SLC25A13: variants seen among roughly 807,000 people sequenced by gnomAD.
SLC25A13 encodes electrogenic aspartate/glutamate antiporter SLC25A13, mitochondrial.
Under a neutral mutation model 85.5 loss-of-function variants are expected in SLC25A13, and 70 were observed. That is an observed-to-expected ratio of 0.82 (90% CI 0.68 to 1.00). The LOEUF (loss-of-function observed/expected upper bound fraction) is 1.00, where lower values mean the gene tolerates loss of function less well. SLC25A13 is among the 50% of genes least tolerant of loss of function. SLC25A13 has a pLI of 0.00. For missense variants in SLC25A13, 765 were observed against 819.8 expected, an observed-to-expected ratio of 0.93 and a Z score of 0.82; for synonymous variants, 259 against 288.7, an observed-to-expected ratio of 0.90 and a Z score of 1.04.
chr7:96,162,055 T>A (rs910631380), intron 13 of SLC25A13, among the ~76,000 whole-genome samples: 1 of 152,244 alleles, frequency 6.6e-6, no homozygotes, highest in Admixed American at 6.5e-5. Context: ...CACATCATCT[T>A]ATATTTATAA....
At chr7:96,163,529 G>A (rs1793603994) in intron 13 of SLC25A13, among the ~76,000 whole-genome samples, 2 of 152,178 alleles carry the variant, frequency 1.3e-5, no homozygotes, top group Non-Finnish European at 2.9e-5. Context: ...TCTATTTGAA[G>A]CCACTAAATT....
At chr7:96,129,380 A>C (rs9656035) in intron 15 of SLC25A13, among the ~76,000 whole-genome samples, 70,138 of 151,964 alleles carry the variant, frequency 0.46, 16,913 homozygotes, top group African/African-American at 0.6. Flanking sequence ...CCAACTACTT[A>C]AAACTCTCAA....
chr7:96,264,796 G>A (rs920125384), intron 3 of SLC25A13, among the ~76,000 whole-genome samples: 1 of 151,470 alleles, frequency 6.6e-6, no homozygotes, highest in Non-Finnish European at 1.5e-5. Context: ...CGATCCTCCC[G>A]CCTCAGCCTC....
intron 5 of SLC25A13, among the ~76,000 whole-genome samples, chr7:96,196,998 T>C (rs909891452): frequency 6.6e-6 from 1 of 152,174 alleles, no homozygotes; most frequent in Admixed American, 6.6e-5. Context: ...GCCTATAAGG[T>C]AGGTACTATT....
intron 1 of SLC25A13, among the ~76,000 whole-genome samples, chr7:96,319,963 G>A (rs1161035964): frequency 6.6e-6 from 1 of 152,212 alleles, no homozygotes; most frequent in Non-Finnish European, 1.5e-5. Context: ...TACAACCAAA[G>A]AGTTGAACTA....
chr7:96,205,474 G>T (rs1300238139), intron 5 of SLC25A13, among the ~76,000 whole-genome samples: 3 of 152,066 alleles, frequency 2.0e-5, no homozygotes, highest in African/African-American at 7.2e-5. Context: ...AGTTAACTGG[G>T]CATTAAAAAA....
At chr7:96,271,756 G>A (rs1252452811) in intron 3 of SLC25A13, among the ~76,000 whole-genome samples, 4 of 151,910 alleles carry the variant, frequency 2.6e-5, no homozygotes, top group Admixed American at 2.6e-4. Flanking sequence ...ATAAATGTAA[G>A]GCTGTATTTT....
chr7:96,306,010 A>G (rs569570790), intron 1 of SLC25A13, among the ~76,000 whole-genome samples: 2 of 152,302 alleles, frequency 1.3e-5, no homozygotes, highest in East Asian at 3.9e-4. Flanking sequence ...AGCTTTTGAC[A>G]TGACTCTAAT....
At chr7:96,229,512 T>C (rs1159191078) in intron 4 of SLC25A13, among the ~76,000 whole-genome samples, 1 of 152,146 alleles carries the variant, frequency 6.6e-6, no homozygotes, top group East Asian at 1.9e-4. Context: ...CCTTCCACGC[T>C]GTGGAAGCTT....
chr7:96,127,339 C>T (rs1195082674), intron 15 of SLC25A13, among the ~76,000 whole-genome samples: 2 of 152,186 alleles, frequency 1.3e-5, no homozygotes, highest in Non-Finnish European at 2.9e-5. Flanking sequence ...GGCCAATGAA[C>T]ATGAATTCAA....
intron 17 of SLC25A13, 98 bp from the exon 18 acceptor site, chr7:96,121,475 G>A: frequency 6.9e-7 from 1 of 1,454,976 alleles, no homozygotes; most frequent in African/African-American, 1.4e-5. Context: ...TAATGTAAAG[G>A]AGTTGATACA....
intron 4 of SLC25A13, among the ~76,000 whole-genome samples, chr7:96,220,361 T>C (rs941860077): frequency 1.3e-5 from 2 of 152,228 alleles, no homozygotes; most frequent in Non-Finnish European, 1.5e-5. Flanking sequence ...AGTGATCCCA[T>C]ATTAGTATAA....
At chr7:96,174,131 C>T (rs924019047) in intron 11 of SLC25A13, among the ~76,000 whole-genome samples, 3 of 152,206 alleles carry the variant, frequency 2.0e-5, no homozygotes, top group African/African-American at 7.2e-5. Context: ...GGTGGGAGCG[C>T]CTGTCCCCAT....
chr7:96,138,447 G>A (rs1283447431), intron 14 of SLC25A13, among the ~76,000 whole-genome samples: 1 of 148,430 alleles, frequency 6.7e-6, no homozygotes, highest in African/African-American at 2.5e-5. Flanking sequence ...TTAGGTTAGA[G>A]TGCAGTGGTG....
intron 2 of SLC25A13, among the ~76,000 whole-genome samples, chr7:96,290,366 A>G (rs1799069037): frequency 6.6e-6 from 1 of 152,216 alleles, no homozygotes; most frequent in South Asian, 2.1e-4. Flanking sequence ...AACTGTATGA[A>G]GCAACGAGCA....
At chr7:96,264,713 C>T (rs929873393) in intron 3 of SLC25A13, among the ~76,000 whole-genome samples, 7 of 151,330 alleles carry the variant, frequency 4.6e-5, no homozygotes, top group African/African-American at 1.7e-4. Context: ...AAGAACTATA[C>T]CTTTTTTTTT....
intron 9 of SLC25A13, among the ~76,000 whole-genome samples, chr7:96,187,804 G>A (rs1052873776): frequency 3.9e-5 from 6 of 152,206 alleles, no homozygotes; most frequent in South Asian, 2.1e-4. Flanking sequence ...GACAGGCAGC[G>A]CTGTGCCCAC....
At chr7:96,268,578 A>T (rs924275878) in intron 3 of SLC25A13, among the ~76,000 whole-genome samples, 7 of 152,298 alleles carry the variant, frequency 4.6e-5, no homozygotes, top group African/African-American at 1.7e-4. Context: ...AATTGATTAA[A>T]TCCATCATTA....
chr7:96,230,144 A>C (rs1796484512), intron 4 of SLC25A13, among the ~76,000 whole-genome samples: 1 of 152,380 alleles, frequency 6.6e-6, no homozygotes, highest in Middle Eastern at 3.4e-3. Flanking sequence ...CACATAATGG[A>C]ATTCAATACA....
Sources: allele counts gnomAD v4.1 joint callset (sites outside exome capture counted in the v4.1 genomes callset), GRCh38; gene constraint gnomAD v4.1.1; transcripts MANE v1.5; gene names NCBI Gene and HGNC (gene_info 2026-07-23, HGNC 2026-07-21).